GALNTL6: variants seen among roughly 807,000 people sequenced by gnomAD.
The protein encoded by GALNTL6 is polypeptide N-acetylgalactosaminyltransferase like 6.
GALNTL6 carries 46 observed loss-of-function variants against 73.7 expected under a neutral mutation model. The ratio of observed to expected loss-of-function variants is 0.62; its 90% confidence interval spans 0.49 to 0.80. GALNTL6 has a LOEUF of 0.80. Among genes scored for constraint, GALNTL6 ranks in the 30% least tolerant of loss-of-function variants. The pLI, the probability that GALNTL6 is intolerant of heterozygous loss-of-function variation, is 0.00. For missense variants in GALNTL6, 604 were observed against 755.0 expected (o/e 0.80, Z 2.34); for synonymous variants, 259 against 263.7 (o/e 0.98, Z 0.17).
chr4:172,763,781 T>C (rs1278858246), intron 5 of GALNTL6, among the ~76,000 whole-genome samples: 1 of 152,210 alleles, frequency 6.6e-6, no homozygotes, highest in African/African-American at 2.4e-5. Context: ...GTTTGTGAAC[T>C]CTTTCATGTA....
intron 3 of GALNTL6, among the ~76,000 whole-genome samples, chr4:172,296,900 A>G (rs1355242817): frequency 6.6e-6 from 1 of 152,202 alleles, no homozygotes; most frequent in Non-Finnish European, 1.5e-5. Flanking sequence ...GCTGGGTCAA[A>G]TGGTATTTCT....
At chr4:171,862,897 T>A (rs573460938) in intron 2 of GALNTL6, among the ~76,000 whole-genome samples, 11 of 152,198 alleles carry the variant, frequency 7.2e-5, no homozygotes, top group Admixed American at 2.0e-4. Flanking sequence ...TGAATTAGAA[T>A]GTATTGATTA....
intron 2 of GALNTL6, among the ~76,000 whole-genome samples, chr4:172,003,690 C>A (rs1056831336): frequency 2.0e-5 from 3 of 152,012 alleles, no homozygotes; most frequent in Non-Finnish European, 4.4e-5. Flanking sequence ...TTCGAAAGAC[C>A]GTTTGGGCTC....
intron 2 of GALNTL6, among the ~76,000 whole-genome samples, chr4:172,040,118 G>GT (rs1325172790): frequency 6.6e-6 from 1 of 151,692 alleles, no homozygotes; most frequent in Non-Finnish European, 1.5e-5. Context: ...GGGATGCCTG[G>GT]TTTTCTATAA....
At chr4:172,764,641 C>G (rs13134194) in intron 5 of GALNTL6, among the ~76,000 whole-genome samples, 79,802 of 151,898 alleles carry the variant, frequency 0.53, 22,378 homozygotes, top group African/African-American at 0.74. Flanking sequence ...ATTGTTGAGT[C>G]AGAAAGTATG....
Position 171,877,631 on chromosome 4 carries a change from GA to G in GALNTL6, c.138+62926del, listed in dbSNP as rs200226807. On this transcript the variant is annotated intron_variant, in intron 2 of 12. Coordinates refer to ENST00000506823, the MANE Select transcript of GALNTL6 (RefSeq NM_001034845.3). ...AAATTACCTAATGTATCACTCAAGT[GA>G]AAAAAAAAAAAATCAGGATAACCCA... 5.1e-3 allele frequency among the ~76,000 whole-genome samples: 714 copies of G among 140,876 alleles called. 1 individual carries two copies. The highest frequency in any genetic ancestry group is 0.018 in the East Asian group (90 of 4,886). 92.4% of individuals were successfully genotyped at this position (140,876 alleles called of 152,430 possible). A position where few individuals can be genotyped will look rare whatever the true frequency, so the allele number is the denominator to read the frequency against.
At chr4:172,453,187 A>T (rs1400551275) in intron 5 of GALNTL6, among the ~76,000 whole-genome samples, 1 of 151,702 alleles carries the variant, frequency 6.6e-6, no homozygotes, top group African/African-American at 2.4e-5. Context: ...GGGTGACAGC[A>T]CAAGACTCTG....
intron 10 of GALNTL6, among the ~76,000 whole-genome samples, chr4:172,984,442 G>A (rs956329082): frequency 2.0e-5 from 3 of 152,220 alleles, no homozygotes; most frequent in Non-Finnish European, 4.4e-5. Context: ...TCTCCACCTG[G>A]TCCTGCCCTT....
intron 2 of GALNTL6, among the ~76,000 whole-genome samples, chr4:171,866,083 G>C (rs1735963253): frequency 6.6e-6 from 1 of 151,986 alleles, no homozygotes; most frequent in Non-Finnish European, 1.5e-5. Context: ...CCTAATAATG[G>C]AATTGTTATC....
chr4:172,173,118 G>C (rs919105929), intron 2 of GALNTL6, among the ~76,000 whole-genome samples: 1 of 152,114 alleles, frequency 6.6e-6, no homozygotes, highest in Non-Finnish European at 1.5e-5. Flanking sequence ...TATTCTTAAG[G>C]TAGAAGATAT....
intron 5 of GALNTL6, among the ~76,000 whole-genome samples, chr4:172,644,241 G>A (rs1034143841): frequency 3.3e-5 from 5 of 151,528 alleles, no homozygotes; most frequent in Non-Finnish European, 7.4e-5. Flanking sequence ...AGGTGTGTAT[G>A]TGTGTATATG....
chr4:172,661,015 A>G (rs960993389), intron 5 of GALNTL6, among the ~76,000 whole-genome samples: 11 of 152,204 alleles, frequency 7.2e-5, no homozygotes, highest in African/African-American at 2.7e-4. Flanking sequence ...GTGAAAGGTG[A>G]ATGTGATGGT....
At chr4:171,855,215 T>A (rs1463421323) in intron 2 of GALNTL6, among the ~76,000 whole-genome samples, 4 of 152,180 alleles carry the variant, frequency 2.6e-5, no homozygotes, top group African/African-American at 9.6e-5. Context: ...TATTCACCCG[T>A]ACCGTATCAT....
intron 7 of GALNTL6, among the ~76,000 whole-genome samples, chr4:172,829,267 C>T (rs1370029735): frequency 1.3e-5 from 2 of 152,174 alleles, no homozygotes; most frequent in African/African-American, 4.8e-5. Context: ...AGCGTGTCTG[C>T]CTGTTCCTGG....
chr4:172,002,182 A>G (rs1454094279), intron 2 of GALNTL6, among the ~76,000 whole-genome samples: 1 of 152,210 alleles, frequency 6.6e-6, no homozygotes, highest in Admixed American at 6.5e-5. Context: ...TAAGAGTGCC[A>G]TGGATTGAAT....
At chr4:171,935,483 T>C (rs1372327668) in intron 2 of GALNTL6, among the ~76,000 whole-genome samples, 2 of 152,076 alleles carry the variant, frequency 1.3e-5, no homozygotes, top group East Asian at 3.9e-4. Flanking sequence ...CTTTTTTCTG[T>C]TTTGAGATGG....
chr4:172,087,482 T>G (rs541676797), intron 2 of GALNTL6, among the ~76,000 whole-genome samples: 93 of 143,770 alleles, frequency 6.5e-4, no homozygotes, highest in African/African-American at 2.3e-3. Context: ...AAAAACAAAA[T>G]AGAGCACTAA....
intron 2 of GALNTL6, among the ~76,000 whole-genome samples, chr4:172,212,168 T>G (rs1202447097): frequency 1.3e-5 from 2 of 151,052 alleles, no homozygotes. Flanking sequence ...ATAATTAGCT[T>G]TTTTTTTTCT....
chr4:172,776,057 C>A, intron 5 of GALNTL6, among the ~76,000 whole-genome samples: 1 of 152,238 alleles, frequency 6.6e-6, no homozygotes, highest in East Asian at 1.9e-4. Context: ...ATTGCAGTCA[C>A]GTGAGACTCT....
Sources: gnomAD v4.1 joint callset for allele counts (sites outside exome capture counted in the v4.1 genomes callset) on GRCh38, gnomAD v4.1.1 for gene constraint, MANE v1.5 for transcripts, NCBI Gene and HGNC (gene_info 2026-07-23, HGNC 2026-07-21) for gene names.